DDX1: variants seen among roughly 807,000 people sequenced by gnomAD.
DDX1 encodes the protein DEAD-box helicase 1, also known as ATP-dependent RNA helicase DDX1.
In DDX1, 28 loss-of-function variants were observed where a neutral mutation model predicts 108.7. That is an observed-to-expected ratio of 0.26 (90% confidence interval 0.19 to 0.35). The LOEUF is 0.35. DDX1 is among the 10% of genes least tolerant of loss of function. DDX1 has a pLI of 1.00. For missense variants in DDX1, 710 were observed against 884.5 expected, an observed-to-expected ratio of 0.80 and a Z score of 2.50; for synonymous variants, 295 against 288.9, an observed-to-expected ratio of 1.02 and a Z score of -0.21.
chr2:15,606,789 A>G (rs1244920772), intron 12 of DDX1, among the ~76,000 whole-genome samples: 4 of 152,230 alleles, frequency 2.6e-5, no homozygotes, highest in African/African-American at 7.2e-5. Context: ...TTTTGTAGAC[A>G]TATCAATCAA....
chr2:15,613,292 G>T lies in DDX1; in HGVS notation c.1017+8G>T. The T allele has an allele frequency of 1.9e-6, 3 of 1,594,360 alleles. No homozygotes were observed. In the Admixed American group the frequency reaches 5.2e-5, roughly 28 times the overall value. ...TCTGTTTTGGAAAATGGAGTAAGTT[G>T]TAGTTTTAATTTTTAAAACATAATG... On this transcript the variant is annotated splice_region_variant and intron_variant, in intron 14 of 25. Coordinates refer to ENST00000233084, the MANE Select transcript of DDX1 (RefSeq NM_004939.3).
chr2:15,615,091 C>G (rs1379538474), intron 14 of DDX1, among the ~76,000 whole-genome samples: 1 of 152,220 alleles, frequency 6.6e-6, no homozygotes, highest in Non-Finnish European at 1.5e-5. Flanking sequence ...GTTCTTCTCT[C>G]TGTCTTACAT....
At chr2:15,623,654 C>A in intron 19 of DDX1, 72 bp downstream of exon 19, 1 of 1,250,614 alleles carries the variant, frequency 8.0e-7, no homozygotes, top group Non-Finnish European at 1.2e-6. Context: ...CATGTTGATG[C>A]AATCTAGAAC....
chr2:15,624,271 A>G (rs1662417973), intron 19 of DDX1, among the ~76,000 whole-genome samples: 1 of 152,218 alleles, frequency 6.6e-6, no homozygotes, highest in South Asian at 2.1e-4. Context: ...TAAGACAAAT[A>G]TTACTAGAAA....
chr2:15,597,927 A>G (rs1665527013), intron 5 of DDX1, among the ~76,000 whole-genome samples: 1 of 152,116 alleles, frequency 6.6e-6, no homozygotes, highest in South Asian at 2.1e-4. Flanking sequence ...AAGTTAAAAT[A>G]TAAATTTTAA....
At chr2:15,612,803 G>A (rs369292070) in intron 13 of DDX1, among the ~76,000 whole-genome samples, 18,274 of 152,160 alleles carry the variant, frequency 0.12, 1,461 homozygotes, top group East Asian at 0.37. Flanking sequence ...TTAGGAGCTG[G>A]AGACCAGCCC....
chr2:15,630,706 G>A, intron 25 of DDX1, 70 bp from the exon 26 acceptor site: 8 of 1,528,714 alleles, frequency 5.2e-6, no homozygotes, highest in Non-Finnish European at 7.2e-6. Context: ...ATATAATTGA[G>A]CCAAAGTATT....
intron 24 of DDX1, 103 bp from the exon 25 acceptor site, chr2:15,629,887 T>C: frequency 4.1e-6 from 5 of 1,223,022 alleles, no homozygotes; most frequent in Non-Finnish European, 5.7e-6. Context: ...CTGACTTCCA[T>C]TTATACCAAG....
intron 19 of DDX1, among the ~76,000 whole-genome samples, chr2:15,624,481 C>T (rs1972614): frequency 0.69 from 104,956 of 152,058 alleles, 37,303 homozygotes; most frequent in East Asian, 0.89. Flanking sequence ...GAAGCAAACA[C>T]GTCCTTCTTT....
intron 13 of DDX1, 85 bp from the exon 14 acceptor site, chr2:15,613,139 C>T: frequency 2.2e-6 from 2 of 909,850 alleles, no homozygotes; most frequent in Non-Finnish European, 3.2e-6. Context: ...TAATTTCCAC[C>T]TAAAATAAAT....
intron 15 of DDX1, among the ~76,000 whole-genome samples, chr2:15,617,833 G>T (rs773559862): frequency 6.6e-6 from 1 of 152,134 alleles, no homozygotes; most frequent in Non-Finnish European, 1.5e-5. Flanking sequence ...TTCAGGTTGG[G>T]TTACCTAGTT....
chr2:15,630,155 C>G, intron 25 of DDX1, 45 bp downstream of exon 25: 1 of 1,601,574 alleles, frequency 6.2e-7, no homozygotes, highest in South Asian at 1.1e-5. Flanking sequence ...TGTAAATATA[C>G]CTGTTTTGAA....
chr2:15,605,611 C>T (rs1313774876), intron 10 of DDX1, among the ~76,000 whole-genome samples: 1 of 152,010 alleles, frequency 6.6e-6, no homozygotes, highest in East Asian at 1.9e-4. Flanking sequence ...ATCGGAGTTT[C>T]ACTACAAAAG....
rs374987952 is a variant in DDX1 at position 15,615,537 on chromosome 2, T to C, written c.1018-1707T>C. Among the ~76,000 whole-genome samples, 36 of 88,200 alleles carry C rather than the reference T, an allele frequency of 4.1e-4. No individual in the cohort carries two copies. In the East Asian group the frequency reaches 0.023, roughly 57 times the overall value. 57.9% of individuals were successfully genotyped at this position (88,200 alleles called of 152,430 possible). A position where few individuals can be genotyped will look rare whatever the true frequency, so the allele number is the denominator to read the frequency against. On this transcript the variant is annotated intron_variant, in intron 14 of 25. Coordinates refer to ENST00000233084, the MANE Select transcript of DDX1 (RefSeq NM_004939.3). ...ATCTTCACATTTTCAGACAATATTTTCTAGGTTGAACTTGCTGTAATTATC... is the reference window on the plus strand; with the variant it reads ...ATCTTCACATTTTCAGACAATATTTCCTAGGTTGAACTTGCTGTAATTATC...
At chr2:15,626,544 A>G (rs376140923) in intron 19 of DDX1, among the ~76,000 whole-genome samples, 74 of 152,170 alleles carry the variant, frequency 4.9e-4, no homozygotes, top group African/African-American at 1.7e-3. Context: ...CTCTAAAATA[A>G]CACCTCTCCA....
At chr2:15,610,445 C>T (rs569919701) in intron 13 of DDX1, among the ~76,000 whole-genome samples, 100 of 152,300 alleles carry the variant, frequency 6.6e-4, no homozygotes, top group African/African-American at 2.4e-3. Context: ...CTGTGTATGG[C>T]ATGAGAAAGG....
intron 7 of DDX1, among the ~76,000 whole-genome samples, 196 bp from the exon 8 acceptor site, chr2:15,602,996 C>G (rs1003321750): frequency 6.6e-5 from 10 of 152,230 alleles, no homozygotes; most frequent in Non-Finnish European, 1.3e-4. Flanking sequence ...CAGGCGTGAG[C>G]CACTATGCCT....
At chr2:15,600,446 C>T (rs6431717) in intron 6 of DDX1, among the ~76,000 whole-genome samples, 36,435 of 152,134 alleles carry the variant, frequency 0.24, 5,370 homozygotes, top group African/African-American at 0.42. Flanking sequence ...TACTGATCTA[C>T]AAAATGTAAC....
At chr2:15,630,746 A>G (rs931967528) in intron 25 of DDX1, 30 bp from the exon 26 acceptor site, 2 of 1,596,178 alleles carry the variant, frequency 1.3e-6, no homozygotes, top group East Asian at 4.5e-5. Flanking sequence ...CATGTCATTT[A>G]CATTACTTTG....
Sources: allele counts gnomAD v4.1 joint callset (sites outside exome capture counted in the v4.1 genomes callset), GRCh38; gene constraint gnomAD v4.1.1; transcripts MANE v1.5; gene names NCBI Gene and HGNC (gene_info 2026-07-23, HGNC 2026-07-21).